The following NPHS1 variants were observed in gnomAD, a reference collection of about 807,000 sequenced individuals.
NPHS1 encodes NPHS1 adhesion molecule, nephrin.
In NPHS1, 107 loss-of-function variants were observed where a neutral mutation model predicts 139.7. That is an observed-to-expected ratio of 0.77 (90% CI 0.66 to 0.90). NPHS1 has a LOEUF of 0.90. NPHS1 is among the 40% of genes least tolerant of loss of function. The pLI is 0.00. For synonymous variants in NPHS1, 707 were observed against 706.6 expected, an observed-to-expected ratio of 1.00 and a Z score of -0.01; for missense variants, 1,580 against 1,654.2, an observed-to-expected ratio of 0.96 and a Z score of 0.78.
At chr19:35,846,566 A>T (rs970601494) in intron 11 of NPHS1, among the ~76,000 whole-genome samples, 2 of 152,174 alleles carry the variant, frequency 1.3e-5, no homozygotes, top group African/African-American at 4.8e-5. Flanking sequence ...CTCCCTTGAA[A>T]TTCCCAGGCC....
intron 22 of NPHS1, 39 bp from the exon 23 acceptor site, chr19:35,835,800 A>C (rs745436615): frequency 6.4e-7 from 1 of 1,553,176 alleles, no homozygotes; most frequent in Admixed American, 1.7e-5. Flanking sequence ...TAACACTAAG[A>C]ATCTGAGATA....
At chr19:35,836,272 T>TA (rs1003224930) in intron 22 of NPHS1, among the ~76,000 whole-genome samples, 5 of 148,754 alleles carry the variant, frequency 3.4e-5, no homozygotes, top group East Asian at 2.1e-4. Context: ...TTTTTTTTTT[T>TA]AAAGAGACAG....
intron 20 of NPHS1, among the ~76,000 whole-genome samples, chr19:35,841,145 G>A (rs1973049933): frequency 1.3e-5 from 2 of 151,932 alleles, no homozygotes; most frequent in Non-Finnish European, 2.9e-5. Context: ...TTGGGAGGCT[G>A]AGGCGGGCAG....
At position 35,851,821 on chromosome 19, in the gene NPHS1, G is replaced by C. The variant is rs150180768; in HGVS notation, c.17C>G (p.Thr6Arg). 1.9e-6 allele frequency: 3 copies of C among 1,551,944 alleles called. No individual in the cohort carries two copies. In the African/African-American group the frequency reaches 4.1e-5, roughly 21 times the overall value. ...CAGGAGCAGGAGAGAAGCCCTGAGCGTCGTCCCCAGGGCCATCACAGGTCC... is the reference window on the plus strand; with the variant it reads ...CAGGAGCAGGAGAGAAGCCCTGAGCCTCGTCCCCAGGGCCATCACAGGTCC... MALGT[T>R]LRASLLLLGL... Residue 6 changes from threonine (T) to arginine (R), a missense_variant, in exon 1 of 29, where the codon ACG becomes AGG. Coordinates refer to ENST00000378910, the MANE Select transcript of NPHS1 (RefSeq NM_004646.4).
At position 35,852,171 on chromosome 19, in the gene NPHS1, C is replaced by T. The variant is rs999311485; in HGVS notation, c.-334G>A. ...CTCAGACTCTTTCCTTCAAGCCATC[C>T]TCCCACCTTGGCCTCCCCAAGTGTT... On this transcript the variant is annotated 5_prime_UTR_variant, in exon 1 of 29. Coordinates refer to ENST00000378910, the MANE Select transcript of NPHS1 (RefSeq NM_004646.4). Among the ~76,000 whole-genome samples the T allele has an allele frequency of 6.6e-6, 1 of 151,004 alleles. No homozygotes were observed. The highest frequency in any genetic ancestry group is 1.5e-5 in the Non-Finnish European group (1 of 67,840).
chr19:35,834,353 C>T (rs1373027681), intron 23 of NPHS1, among the ~76,000 whole-genome samples: 1 of 152,180 alleles, frequency 6.6e-6, no homozygotes, highest in Non-Finnish European at 1.5e-5. Flanking sequence ...ACCACCCAGT[C>T]CAGTGGAGCT....
rs1973190439 is a variant in NPHS1 at position 35,849,161 on chromosome 19, C to T, written c.841-14G>A. The T allele has an allele frequency of 1.9e-6, 3 of 1,611,720 alleles. No individual in the cohort carries two copies. The highest frequency in any genetic ancestry group is 1.1e-5 in the South Asian group (1 of 91,090). ...CGGCTGGCCATTCTGGAGACAGGGA[C>T]AGGCCTGGGCCAGCTCAGGACTGGC... On this transcript the variant is annotated splice_polypyrimidine_tract_variant and intron_variant, in intron 7 of 28. Transcript: ENST00000378910.
intron 20 of NPHS1, 67 bp downstream of exon 20, chr19:35,841,648 C>A: frequency 1.3e-6 from 2 of 1,586,854 alleles, no homozygotes; most frequent in African/African-American, 1.3e-5. Flanking sequence ...AGCCCAGGGC[C>A]AATCAGGGAT....
rs1973170164 is a variant in NPHS1 at position 35,848,101 on chromosome 19, C to G, written c.1380G>C (p.Arg460=). ...CGATAGCCAAACACACCAGCCTCAC[C>G]CGGGTCCCAGCCCGGAGCTTCTGGC... ...PEGQKLRAGT[R]VRLVCLAIGG... The change falls in exon 11 of 29, where the codon CGG becomes CGC. Residue 460 remains arginine, a synonymous_variant. Coordinates refer to ENST00000378910, the MANE Select transcript of NPHS1 (RefSeq NM_004646.4). The G allele has an allele frequency of 6.2e-7, 1 of 1,614,066 alleles. No individual in the cohort carries two copies. Among genetic ancestry groups the G allele is most frequent in the South Asian group, 1.1e-5 (1 of 91,088 alleles).
rs1390523402 is a variant in NPHS1 at position 35,843,496 on chromosome 19, C to A, written c.2310G>T (p.Pro770=). 1 of 1,613,950 alleles carries A rather than the reference C, an allele frequency of 6.2e-7. No homozygotes were observed. The highest frequency in any genetic ancestry group is 8.5e-7 in the Non-Finnish European group (1 of 1,179,982). The change falls in exon 17 of 29, where the codon CCG becomes CCT. Residue 770 remains proline, a synonymous_variant. Coordinates refer to ENST00000378910, the MANE Select transcript of NPHS1 (RefSeq NM_004646.4). ...VCTVDANPIL[P]GMFNWERLGE... ...CCAGTCTCTCCCAGTTGAACATGCC[C>A]GGGAGGATGGGATTGGCATCGACAG... is the stretch of plus-strand genomic sequence containing the variant.
rs1357472316 is a variant in NPHS1 at position 35,840,166 on chromosome 19, G to C, written c.2816-559C>G. On this transcript the variant is annotated intron_variant, in intron 20 of 28. Coordinates refer to ENST00000378910, the MANE Select transcript of NPHS1 (RefSeq NM_004646.4). ...TTACAGGTGCCCGCCACCATGCCCA[G>C]CTAATTTTTCATATTTTTAGTAGAG... 3.3e-5 allele frequency among the ~76,000 whole-genome samples: 5 copies of C among 151,374 alleles called. 1 individual carries two copies. Among genetic ancestry groups the C allele is most frequent in the African/African-American group, 1.2e-4 (5 of 41,170 alleles).
chr19:35,848,605 G>A (rs1417066332), intron 9 of NPHS1, 32 bp downstream of exon 9: 10 of 1,611,536 alleles, frequency 6.2e-6, no homozygotes, highest in Non-Finnish European at 8.5e-6. Flanking sequence ...CCCCCTCCAT[G>A]CTCAGACCCA....
chr19:35,841,889 C>T (rs1198289378), intron 19 of NPHS1, 23 bp from the exon 20 acceptor site: 2 of 1,591,450 alleles, frequency 1.3e-6, no homozygotes, highest in Non-Finnish European at 1.7e-6. Flanking sequence ...TAGGGCACCA[C>T]TCACCCTTCC....
chr19:35,836,829 T>C (rs1972968215), intron 22 of NPHS1, among the ~76,000 whole-genome samples: 1 of 151,392 alleles, frequency 6.6e-6, no homozygotes, highest in Non-Finnish European at 1.5e-5. Flanking sequence ...ACCCTGTCTC[T>C]ACTAAAAAAT....
At chr19:35,836,370 G>T (rs543380691) in intron 22 of NPHS1, among the ~76,000 whole-genome samples, 1 of 151,236 alleles carries the variant, frequency 6.6e-6, no homozygotes, top group African/African-American at 2.4e-5. Flanking sequence ...CTATCCTCCC[G>T]CCTCAGACTC....
In NPHS1 at chr19:35,850,881, G is replaced by A. The variant is rs1973234506; in HGVS notation, c.526+80C>T. The A allele has an allele frequency of 2.6e-6, 4 of 1,557,960 alleles. No homozygotes were observed. The Admixed American group carries it at 6.9e-5, about 27-fold the overall frequency. ...GACATCTTTTCTGGGGCCCTTAGAA[G>A]GGTACTGGTCAGGAACACACACCCT... On this transcript the variant is annotated intron_variant, in intron 4 of 28. Transcript: ENST00000378910.
rs903787844 is a variant in NPHS1, at chr19:35,845,176, G to A, written c.1930+192C>T. 1.3e-5 allele frequency among the ~76,000 whole-genome samples: 2 copies of A among 152,120 alleles called. No homozygotes were observed. The highest frequency in any genetic ancestry group is 4.1e-4 in the South Asian group (2 of 4,832). ...TCTCAGCTACTCGGGAGGCTGAGGTGGGAGTATCACTTGAGCTCAGGAGTT... is the reference window on the plus strand; with the variant it reads ...TCTCAGCTACTCGGGAGGCTGAGGTAGGAGTATCACTTGAGCTCAGGAGTT... On this transcript the variant is annotated intron_variant, in intron 14 of 28. Coordinates refer to ENST00000378910, the MANE Select transcript of NPHS1 (RefSeq NM_004646.4). This position sits in a 1 kb window ranked among gnomAD's most constrained non-coding sequence, Gnocchi z 5.5.
intron 20 of NPHS1, among the ~76,000 whole-genome samples, chr19:35,840,639 G>T (rs1973041827): frequency 6.7e-6 from 1 of 149,144 alleles, no homozygotes; most frequent in Admixed American, 6.7e-5. Flanking sequence ...CGGCAGTTAG[G>T]TTTCTTTAAA....
chr19:35,840,813 C>T (rs1189276303), intron 20 of NPHS1, among the ~76,000 whole-genome samples: 2 of 151,054 alleles, frequency 1.3e-5, no homozygotes, highest in South Asian at 2.1e-4. Context: ...CTCAGCCTCC[C>T]GAGTAACTGG....
Sources: gnomAD v4.1 joint callset for allele counts (sites outside exome capture counted in the v4.1 genomes callset) on GRCh38, gnomAD v4.1.1 for gene constraint, Gnocchi (gnomAD v3.1) non-coding constraint, MANE v1.5 for transcripts, NCBI Gene and HGNC (gene_info 2026-07-23, HGNC 2026-07-21) for gene names.